Variants in PIEZO2 observed in about 807,000 individuals in gnomAD.
PIEZO2 encodes the protein piezo type mechanosensitive ion channel component 2.
PIEZO2 carries 172 observed loss-of-function variants against 337.3 expected under a neutral mutation model. That is an observed-to-expected ratio of 0.51 (90% confidence interval 0.45 to 0.58). The LOEUF is 0.58. Ranked by LOEUF, PIEZO2 falls within the 20% of genes least tolerant of loss-of-function variation. PIEZO2 has a pLI of 0.00. For synonymous variants in PIEZO2, 1,251 were observed against 1,228.5 expected (o/e 1.02, Z -0.38); for missense variants, 3,028 against 3,391.3 (o/e 0.89, Z 2.66).
chr18:10,782,303 AAATAATTATATAATATAT>A, intron 17 of PIEZO2, among the ~76,000 whole-genome samples: 1 of 111,544 alleles, frequency 9.0e-6, no homozygotes, highest in Non-Finnish European at 1.7e-5. Context: ...AATTATATAT[AAATAATTATATAATATAT>A]TATAATTATA....
At chr18:10,761,685 C>T (rs1029572503) in intron 23 of PIEZO2, among the ~76,000 whole-genome samples, 16 of 152,098 alleles carry the variant, frequency 1.1e-4, no homozygotes, top group African/African-American at 3.4e-4. Flanking sequence ...TTTCAAATAC[C>T]AATTTGCTTT....
At chr18:10,913,723 A>C (rs2030680450) in intron 3 of PIEZO2, among the ~76,000 whole-genome samples, 1 of 152,102 alleles carries the variant, frequency 6.6e-6, no homozygotes, top group African/African-American at 2.4e-5. Context: ...ACAAGTCAAA[A>C]GGTTTCGATG....
intron 47 of PIEZO2, among the ~76,000 whole-genome samples, chr18:10,693,314 T>A (rs1032906562): frequency 6.6e-6 from 1 of 151,898 alleles, no homozygotes; most frequent in African/African-American, 2.4e-5. Context: ...TAGGCTGTCA[T>A]ATCTGCCGCA....
At chr18:10,941,975 T>C (rs939292034) in intron 3 of PIEZO2, among the ~76,000 whole-genome samples, 8 of 152,148 alleles carry the variant, frequency 5.3e-5, no homozygotes, top group Non-Finnish European at 8.8e-5. Context: ...CGAGATCTGA[T>C]GGTTTTAAAG....
At chr18:11,114,668 CA>C (rs35996894) in intron 1 of PIEZO2, among the ~76,000 whole-genome samples, 40,794 of 143,974 alleles carry the variant, frequency 0.28, 6,651 homozygotes, top group Middle Eastern at 0.43. Context: ...CTGTCTTAAA[CA>C]AAAAAAAAAA....
intron 2 of PIEZO2, among the ~76,000 whole-genome samples, chr18:11,050,411 C>T (rs773850629): frequency 8.6e-5 from 13 of 151,988 alleles, no homozygotes; most frequent in Non-Finnish European, 1.8e-4. Flanking sequence ...AGTTACAGAT[C>T]GCACTGCCTC....
intron 3 of PIEZO2, among the ~76,000 whole-genome samples, chr18:10,948,181 A>G (rs960336428): frequency 4.6e-5 from 7 of 152,100 alleles, no homozygotes; most frequent in African/African-American, 1.7e-4. Context: ...TGCATGTCTT[A>G]AAAATAATTT....
In PIEZO2 at chr18:10,920,984, C is replaced by T. The variant is rs192740222; in HGVS notation, c.287-9756G>A. On this transcript the variant is annotated intron_variant, in intron 3 of 55. Transcript: ENST00000674853. The stretch of plus-strand genomic sequence containing the variant: ...AGGAGACTCGCTTGAACCTGGGAGG[C>T]AGAGGTTGCAGTGAGCCAAGATCCT... 2.6e-4 allele frequency among the ~76,000 whole-genome samples: 39 copies of T among 152,212 alleles called. 1 individual carries two copies. The highest frequency in any genetic ancestry group is 8.9e-4 in the African/African-American group (37 of 41,538).
In PIEZO2 at chr18:10,824,661, GT is replaced by G. The variant is rs200374446; in HGVS notation, c.918-17388del. Among the ~76,000 whole-genome samples the G allele has an allele frequency of 5.3e-3, 799 of 151,994 alleles. 12 individuals are homozygous for G. Among genetic ancestry groups the G allele is most frequent in the Admixed American group, 0.022 (343 of 15,270 alleles). ...ACAAGTTCCAAGATATATTTCAAGT[GT>G]TTTTTTAAATTTTAGAACAATTTTA... On this transcript the variant is annotated intron_variant, in intron 7 of 55. Transcript: ENST00000674853. The surrounding 1 kb of genome is among the most constrained non-coding windows in gnomAD (Gnocchi z 4.4).
chr18:10,881,576 A>T (rs565530167), intron 4 of PIEZO2, among the ~76,000 whole-genome samples: 1 of 152,292 alleles, frequency 6.6e-6, no homozygotes, highest in Admixed American at 6.5e-5. Context: ...TCCATGAAAG[A>T]TTATTACTAG....
At chr18:10,995,427 T>G (rs1317923151) in intron 2 of PIEZO2, among the ~76,000 whole-genome samples, 3 of 152,186 alleles carry the variant, frequency 2.0e-5, no homozygotes, top group African/African-American at 4.8e-5. Context: ...GGGTTGTCTG[T>G]TCACTCTGCT....
chr18:10,882,565 C>CT (rs11415794), intron 4 of PIEZO2, among the ~76,000 whole-genome samples: 3,136 of 152,210 alleles, frequency 0.021, 103 homozygotes, highest in African/African-American at 0.068. Context: ...ACAATTCTTT[C>CT]TTTTTTATGC....
intron 36 of PIEZO2, 82 bp downstream of exon 36, chr18:10,731,325 G>T: frequency 3.4e-6 from 3 of 885,288 alleles, no homozygotes; most frequent in Non-Finnish European, 4.9e-6. Flanking sequence ...TCCCTCAGAA[G>T]TTTCTGTCCT....
At chr18:10,698,867 GAA>G (rs1269880307) in intron 44 of PIEZO2, 56 bp downstream of exon 44, 1 of 1,526,508 alleles carries the variant, frequency 6.6e-7, no homozygotes, top group Admixed American at 2.1e-5. Flanking sequence ...ACAGGCACCA[GAA>G]AAACAAGGCC....
At chr18:10,925,537 A>G (rs1356662396) in intron 3 of PIEZO2, among the ~76,000 whole-genome samples, 1 of 152,188 alleles carries the variant, frequency 6.6e-6, no homozygotes, top group Non-Finnish European at 1.5e-5. Flanking sequence ...ATAAAGAGGG[A>G]GGAGATAAAT....
Position 10,878,257 on chromosome 18 carries a change from C to G in PIEZO2, c.330-6842G>C, listed in dbSNP as rs1480745643. ...TAAAGGCTGGCTGGATGCATGCTAG[C>G]TCCAGGACATATCGCTGCCTCTTCA... On this transcript the variant is annotated intron_variant, in intron 4 of 55. Transcript: ENST00000674853. This position sits in a 1 kb window ranked among gnomAD's most constrained non-coding sequence, Gnocchi z 4.3. Among the ~76,000 whole-genome samples, 1 of 152,210 alleles carries G rather than the reference C, an allele frequency of 6.6e-6. No individual in the cohort carries two copies. The highest frequency in any genetic ancestry group is 1.5e-5 in the Non-Finnish European group (1 of 68,042).
chr18:10,784,982 G>A lies in PIEZO2; in HGVS notation c.2319-25C>T, dbSNP rs1410397889. The A allele has an allele frequency of 6.6e-7, 1 of 1,522,512 alleles. No homozygotes were observed. Among genetic ancestry groups the A allele is most frequent in the African/African-American group, 1.4e-5 (1 of 72,076 alleles). The allele number at this position is 1,522,512 out of a possible 1,614,324, so 94.3% of individuals were successfully genotyped here. A position where few individuals can be genotyped will look rare whatever the true frequency, so the allele number is the denominator to read the frequency against. ...CCTGCAAAACAAAACAAAATAAAAA[G>A]CAGGAACCTCTCTTACGCAATGAAG... On this transcript the variant is annotated intron_variant, in intron 16 of 55. Coordinates refer to ENST00000674853, the MANE Select transcript of PIEZO2 (RefSeq NM_001378183.1). This position sits in a 1 kb window ranked among gnomAD's most constrained non-coding sequence, Gnocchi z 4.5.
At chr18:10,827,690 A>G (rs1306132566) in intron 7 of PIEZO2, among the ~76,000 whole-genome samples, 1 of 152,196 alleles carries the variant, frequency 6.6e-6, no homozygotes, top group Non-Finnish European at 1.5e-5. Flanking sequence ...AACCATTGGC[A>G]TCGTCTTTCA....
chr18:10,680,441 C>T, intron 51 of PIEZO2, 70 bp from the exon 52 acceptor site: 1 of 1,403,398 alleles, frequency 7.1e-7, no homozygotes, highest in South Asian at 1.3e-5. Flanking sequence ...AGCAGTCACT[C>T]TTCCTTTTAA....
Sources: allele counts gnomAD v4.1 joint callset (sites outside exome capture counted in the v4.1 genomes callset), GRCh38; gene constraint gnomAD v4.1.1; non-coding constraint Gnocchi (gnomAD v3.1); transcripts MANE v1.5; gene names NCBI Gene and HGNC (gene_info 2026-07-23, HGNC 2026-07-21).